Variants in USH2A observed in about 807,000 individuals in gnomAD.
USH2A encodes the protein usherin.
In USH2A, 443 loss-of-function variants were observed where a neutral mutation model predicts 538.9. That is an observed-to-expected ratio of 0.82 (90% CI 0.76 to 0.89). The LOEUF is 0.89. Among genes scored for constraint, USH2A ranks in the 40% least tolerant of loss-of-function variants. The probability of loss-of-function intolerance (pLI) is 0.00; values close to 1 mark genes in which losing one functional copy is unlikely to be tolerated. For missense variants in USH2A, 6,633 were observed against 6,324.8 expected, an observed-to-expected ratio of 1.05 and a Z score of -1.65; for synonymous variants, 2,413 against 2,273.5, an observed-to-expected ratio of 1.06 and a Z score of -1.75.
chr1:216,347,034 A>C (rs888605050), intron 4 of USH2A, among the ~76,000 whole-genome samples: 2 of 152,100 alleles, frequency 1.3e-5, no homozygotes, highest in African/African-American at 4.8e-5. Flanking sequence ...ATTATTGATA[A>C]AATAAAGACA....
At chr1:215,911,067 T>G (rs1423606312) in intron 38 of USH2A, among the ~76,000 whole-genome samples, 3 of 151,890 alleles carry the variant, frequency 2.0e-5, no homozygotes, top group African/African-American at 7.2e-5. Flanking sequence ...TTTTTAATTT[T>G]TTTTTAATTT....
At position 216,215,986 on chromosome 1, in the gene USH2A, C is replaced by G. The variant is rs535387546; in HGVS notation, c.3157+1401G>C. Among the ~76,000 whole-genome samples, 192 of 152,138 alleles carry G rather than the reference C, an allele frequency of 1.3e-3. 1 individual carries two copies. Among genetic ancestry groups the G allele is most frequent in the African/African-American group, 4.5e-3 (185 of 41,532 alleles). ...AAGGAATAGGTAGCAAAAAGTAGAG[C>G]AGGTGCCAATATTGTCACAAAATTA... On this transcript the variant is annotated intron_variant, in intron 15 of 71. Coordinates refer to ENST00000307340, the MANE Select transcript of USH2A (RefSeq NM_206933.4).
At chr1:215,976,130 A>T (rs113235121) in intron 35 of USH2A, among the ~76,000 whole-genome samples, 1 of 152,160 alleles carries the variant, frequency 6.6e-6, no homozygotes, top group Non-Finnish European at 1.5e-5. Context: ...TTATTGGTGT[A>T]TAGAAATGCT....
chr1:215,999,154 C>T (rs1668207578), intron 33 of USH2A, 96 bp from the exon 34 acceptor site: 1 of 1,073,864 alleles, frequency 9.3e-7, no homozygotes, highest in African/African-American at 1.6e-5. Context: ...ATTTGTGACA[C>T]TTTTTTAAAA....
At position 216,030,930 on chromosome 1, in the gene USH2A, TA is replaced by T. The variant is rs534110611; in HGVS notation, c.6325+15500del. Among the ~76,000 whole-genome samples the T allele has an allele frequency of 8.0e-5, 12 of 150,434 alleles. No individual in the cohort carries two copies. In the South Asian group the frequency reaches 1.1e-3, roughly 13 times the overall value. ...TTTATATAGACTCTCTAAAAAACAA[TA>T]AAAAAAAACTGACAAAAGACATGAG... On this transcript the variant is annotated intron_variant, in intron 32 of 71. Transcript: ENST00000307340.
intron 49 of USH2A, 41 bp downstream of exon 49, chr1:215,813,695 G>C (rs1156574126): frequency 1.2e-6 from 2 of 1,612,822 alleles, no homozygotes; most frequent in Non-Finnish European, 8.5e-7. Context: ...TATGTTTTCA[G>C]GTTCCCATAG....
At chr1:215,655,624 G>A (rs997246686) in intron 64 of USH2A, among the ~76,000 whole-genome samples, 1 of 151,646 alleles carries the variant, frequency 6.6e-6, no homozygotes, top group East Asian at 1.9e-4. Context: ...ATGGGAAAGA[G>A]AAGGGACCAT....
At chr1:215,791,758 T>C (rs1281810241) in intron 50 of USH2A, among the ~76,000 whole-genome samples, 1 of 152,202 alleles carries the variant, frequency 6.6e-6, no homozygotes, top group Non-Finnish European at 1.5e-5. Context: ...GTCTGGATTA[T>C]GGTGGGTATA....
Position 215,878,748 on chromosome 1 carries a change from A to G in USH2A, c.8558+16T>C, listed in dbSNP as rs1166273165. The G allele has an allele frequency of 6.2e-7, 1 of 1,612,402 alleles. No homozygotes were observed. The highest frequency in any genetic ancestry group is 2.2e-5 in the East Asian group (1 of 44,844). ...AGGACTACAGCAACATAAAAATCAT[A>G]GTCACCTTCTCTTACCTCAAATTAG... On this transcript the variant is annotated intron_variant, in intron 42 of 71. Coordinates refer to ENST00000307340, the MANE Select transcript of USH2A (RefSeq NM_206933.4).
intron 60 of USH2A, among the ~76,000 whole-genome samples, chr1:215,737,796 A>T (rs1454256840): frequency 6.6e-6 from 1 of 152,022 alleles, no homozygotes; most frequent in Non-Finnish European, 1.5e-5. Context: ...TTCTTAGTTA[A>T]TTCAATCAGC....
chr1:215,803,076 TCAA>T (rs1446609265), intron 49 of USH2A, among the ~76,000 whole-genome samples: 1 of 152,110 alleles, frequency 6.6e-6, no homozygotes, highest in Non-Finnish European at 1.5e-5. Context: ...TTGACAAAAT[TCAA>T]CAACGCTTCA....
chr1:215,752,067 GTC>G (rs909464585), intron 58 of USH2A, among the ~76,000 whole-genome samples: 86 of 151,858 alleles, frequency 5.7e-4, no homozygotes, highest in African/African-American at 2.0e-3. Flanking sequence ...AAGAAGAAAT[GTC>G]TCTCTCTCTC....
chr1:216,040,345 C>A (rs138952546), intron 32 of USH2A, among the ~76,000 whole-genome samples: 34 of 152,062 alleles, frequency 2.2e-4, no homozygotes, highest in African/African-American at 8.2e-4. Context: ...GAGTTCTAGT[C>A]ATTATCCACA....
Position 216,212,089 on chromosome 1 carries a change from G to T in USH2A, c.3158-4658C>A, listed in dbSNP as rs141325054. ...TAAGGCAGCAAAATGCTTTGGGGAT[G>T]AATGAAAATGAAAGAGAGATAGATG... is the stretch of plus-strand genomic sequence containing the variant. On this transcript the variant is annotated intron_variant, in intron 15 of 71. Transcript: ENST00000307340. Among the ~76,000 whole-genome samples, 337 of 152,234 alleles carry T rather than the reference G, an allele frequency of 2.2e-3. 3 individuals are homozygous for T. The highest frequency in any genetic ancestry group is 1.9e-3 in the Non-Finnish European group (129 of 68,004).
chr1:216,296,526 C>T (rs12062586), intron 9 of USH2A, among the ~76,000 whole-genome samples: 87,610 of 151,698 alleles, frequency 0.58, 27,333 homozygotes, highest in East Asian at 0.75. Flanking sequence ...TAGACAATTG[C>T]TAAGCTGTTA....
intron 15 of USH2A, among the ~76,000 whole-genome samples, chr1:216,208,835 T>A (rs1181120025): frequency 6.6e-6 from 1 of 152,018 alleles, no homozygotes; most frequent in East Asian, 1.9e-4. Flanking sequence ...TGGGCCTAAT[T>A]CCCCCAGCAA....
chr1:216,311,276 G>T (rs949630455), intron 9 of USH2A, among the ~76,000 whole-genome samples: 4 of 152,150 alleles, frequency 2.6e-5, no homozygotes, highest in Admixed American at 1.3e-4. Context: ...GCATGGATAG[G>T]ACAGGTCTCT....
At chr1:215,746,117 C>T (rs574202877) in intron 58 of USH2A, among the ~76,000 whole-genome samples, 13 of 152,234 alleles carry the variant, frequency 8.5e-5, no homozygotes, top group African/African-American at 3.1e-4. Flanking sequence ...AATTGATTCC[C>T]AGCTGGAGCC....
intron 21 of USH2A, among the ~76,000 whole-genome samples, chr1:216,125,564 C>T (rs1473470545): frequency 1.3e-5 from 2 of 152,188 alleles, no homozygotes; most frequent in African/African-American, 2.4e-5. Context: ...GTGCGATGGC[C>T]TTTTCACTCA....
Sources: gnomAD v4.1 joint callset for allele counts (sites outside exome capture counted in the v4.1 genomes callset) on GRCh38, gnomAD v4.1.1 for gene constraint, MANE v1.5 for transcripts, NCBI Gene and HGNC (gene_info 2026-07-23, HGNC 2026-07-21) for gene names.